Variants in MYSM1 observed in about 807,000 individuals in gnomAD.
The protein encoded by MYSM1 is Myb like, SWIRM and MPN domains 1, also known as deubiquitinase MYSM1.
MYSM1 carries 51 observed loss-of-function variants against 116.0 expected under a neutral mutation model. That is an observed-to-expected ratio of 0.44 (90% CI 0.35 to 0.56). The LOEUF (loss-of-function observed/expected upper bound fraction) is 0.56. Among genes scored for constraint, MYSM1 ranks in the 20% least tolerant of loss-of-function variants. The probability of loss-of-function intolerance (pLI) is 0.00; values close to 1 mark genes in which losing one functional copy is unlikely to be tolerated. For missense variants in MYSM1, 900 were observed against 974.9 expected (o/e 0.92, Z 1.02); for synonymous variants, 313 against 315.2 (o/e 0.99, Z 0.07).
At position 58,699,988 on chromosome 1, in the gene MYSM1, G is replaced by A. The variant is rs543713311; in HGVS notation, c.65C>T (p.Pro22Leu). 1.5e-5 allele frequency: 24 copies of A among 1,613,466 alleles called. No individual in the cohort carries two copies. The East Asian group carries it at 3.6e-4, about 24-fold the overall frequency. Residue 22 changes from proline to leucine, a missense_variant, in exon 1 of 20, where the codon CCA (proline) becomes CTA (leucine). By Grantham distance (98) the Pro-to-Leu change is moderately conservative. Coordinates refer to ENST00000472487, the MANE Select transcript of MYSM1 (RefSeq NM_001085487.3). ...GDVVAAAGAQ[P>L]GSGENTASVL... is the part of the protein sequence containing the mutation. ...AGACCCGGTCTCTAAGCCTCACCCT[G>A]GCTGTGCCCCCGCCGCCGCTACCAC...
chr1:58,699,826 A>T, intron 1 of MYSM1, 159 bp downstream of exon 1: 1 of 985,402 alleles, frequency 1.0e-6, no homozygotes, highest in East Asian at 1.1e-4. Context: ...GCTTGGGACA[A>T]GCCGGCGGGC....
chr1:58,684,428 G>A (rs1249642306), intron 7 of MYSM1, among the ~76,000 whole-genome samples: 1 of 151,886 alleles, frequency 6.6e-6, no homozygotes, highest in African/African-American at 2.4e-5. Flanking sequence ...GGCCAGGTGT[G>A]GTGGCGGGCA....
Position 58,655,626 on chromosome 1 carries a change from G to A in MYSM1, c.*4371C>T, listed in dbSNP as rs757204588. The A allele has an allele frequency of 3.9e-5, 6 of 152,098 alleles. No homozygotes were observed. The highest frequency in any genetic ancestry group is 7.4e-5 in the Non-Finnish European group (5 of 67,992). The allele number at this position is 152,098 out of a possible 1,614,324, so 9.4% of individuals were successfully genotyped here. A position where few individuals can be genotyped will look rare whatever the true frequency, so the allele number is the denominator to read the frequency against. On this transcript the variant is annotated 3_prime_UTR_variant, in exon 20 of 20. Coordinates refer to ENST00000472487, the MANE Select transcript of MYSM1 (RefSeq NM_001085487.3). ...AGAGAAAGCAGAATTTGGGGGAATA[G>A]CACATGAAGCCATTTAAGAAAAGGT...
intron 1 of MYSM1, among the ~76,000 whole-genome samples, chr1:58,698,435 A>G (rs1375257875): frequency 6.6e-6 from 1 of 151,996 alleles, no homozygotes; most frequent in Non-Finnish European, 1.5e-5. Flanking sequence ...TTGGGGTTGT[A>G]TAAGACAATA....
At chr1:58,695,085 T>A (rs2100683321) in intron 2 of MYSM1, 44 bp downstream of exon 2, 1 of 1,223,494 alleles carries the variant, frequency 8.2e-7, no homozygotes, top group Non-Finnish European at 1.2e-6. Flanking sequence ...CTCTAGGCAA[T>A]AAATAACAGC....
chr1:58,692,604 C>A, intron 3 of MYSM1: 1 of 300,558 alleles, frequency 3.3e-6, no homozygotes, highest in Non-Finnish European at 6.1e-6. Context: ...ATCATTTCTA[C>A]TCAATATTCA....
At chr1:58,669,711 C>T (rs1407104273) in intron 12 of MYSM1, among the ~76,000 whole-genome samples, 1 of 151,402 alleles carries the variant, frequency 6.6e-6, no homozygotes, top group African/African-American at 2.4e-5. Flanking sequence ...GCCTGTAGTC[C>T]CAGCCACTCG....
intron 11 of MYSM1, 45 bp downstream of exon 11, chr1:58,673,528 A>G (rs759029235): frequency 1.3e-6 from 2 of 1,486,012 alleles, no homozygotes; most frequent in Non-Finnish European, 9.4e-7. Context: ...ATATATATTT[A>G]AAAACCAGTT....
In MYSM1 at chr1:58,656,475, G is replaced by T. The variant is rs1055467523; in HGVS notation, c.*3522C>A. On this transcript the variant is annotated 3_prime_UTR_variant, in exon 20 of 20. Transcript: ENST00000472487. ...AGTAGGATGTTTCCCTTTCAAGTGT[G>T]GCACGAGTTTCAAAACTACAGATTA... 2.0e-5 allele frequency: 3 copies of T among 152,178 alleles called. No individual in the cohort carries two copies. Among genetic ancestry groups the T allele is most frequent in the African/African-American group, 7.2e-5 (3 of 41,444 alleles). 9.4% of individuals were successfully genotyped at this position (152,178 alleles called of 1,614,324 possible). A position where few individuals can be genotyped will look rare whatever the true frequency, so the allele number is the denominator to read the frequency against.
chr1:58,659,852 A>G lies in MYSM1; in HGVS notation c.*145T>C. The G allele has an allele frequency of 3.5e-6, 2 of 579,288 alleles. No individual in the cohort carries two copies. Among genetic ancestry groups the G allele is most frequent in the Non-Finnish European group, 2.9e-6 (1 of 347,156 alleles). 35.9% of individuals were successfully genotyped at this position (579,288 alleles called of 1,614,324 possible). On this transcript the variant is annotated 3_prime_UTR_variant, in exon 20 of 20. Coordinates refer to ENST00000472487, the MANE Select transcript of MYSM1 (RefSeq NM_001085487.3). ...CAAATTTGTATCTCTTCCTTTTCAC[A>G]TGATTTATGTGGCAAAGTTTGGATT...
At chr1:58,662,900 T>A (rs1644416218) in intron 17 of MYSM1, among the ~76,000 whole-genome samples, 1 of 152,112 alleles carries the variant, frequency 6.6e-6, no homozygotes, top group African/African-American at 2.4e-5. Flanking sequence ...GTGATAACAG[T>A]CATTTACTTG....
At chr1:58,673,909 G>T (rs1644603758) in intron 10 of MYSM1, among the ~76,000 whole-genome samples, 1 of 152,092 alleles carries the variant, frequency 6.6e-6, no homozygotes, top group African/African-American at 2.4e-5. Flanking sequence ...GTGTGGGCTG[G>T]GTGTTGGCAC....
At position 58,661,414 on chromosome 1, in the gene MYSM1, G is replaced by T; in HGVS notation, c.2262C>A (p.Leu754=). Residue 754 remains leucine (L), a synonymous_variant, in exon 18 of 20, where the codon CTC becomes CTA. Transcript: ENST00000472487. ...CAAACCACAGTACATACCTATGGGA[G>T]AGCCTGTATTTTTCTATTATCCATC... The part of the protein sequence containing the change: ...KTRWIIEKYR[L]SHSSVPMDKI... 1.9e-6 allele frequency: 3 copies of T among 1,558,540 alleles called. No individual in the cohort carries two copies. Among genetic ancestry groups the T allele is most frequent in the South Asian group, 1.1e-5 (1 of 89,784 alleles).
intron 1 of MYSM1, chr1:58,699,721 A>G: frequency 1.0e-6 from 1 of 985,232 alleles, no homozygotes; most frequent in Non-Finnish European, 1.2e-6. Context: ...ATCAAACGCA[A>G]TGTGGTAGGC....
chr1:58,690,079 T>C, intron 5 of MYSM1, 147 bp downstream of exon 5: 1 of 634,436 alleles, frequency 1.6e-6, no homozygotes. Flanking sequence ...CTTGTGCCAC[T>C]CCAACATCTT....
chr1:58,666,513 A>C (rs1644471380), intron 16 of MYSM1, among the ~76,000 whole-genome samples: 1 of 119,662 alleles, frequency 8.4e-6, no homozygotes, highest in African/African-American at 3.3e-5. Context: ...AACAATTATC[A>C]ATCTTGCAAT....
chr1:58,690,050 A>G (rs1569793960), intron 5 of MYSM1, 176 bp downstream of exon 5: 1 of 547,418 alleles, frequency 1.8e-6, no homozygotes, highest in Non-Finnish European at 3.1e-6. Flanking sequence ...TGGCAAGTAA[A>G]TAACACCATA....
At chr1:58,680,026 CAAAA>C (rs6143231) in intron 8 of MYSM1, among the ~76,000 whole-genome samples, 1 of 126,948 alleles carries the variant, frequency 7.9e-6, no homozygotes, top group Middle Eastern at 4.6e-3. Flanking sequence ...GACTCTGTCT[CAAAA>C]AAAAAAAAAA....
intron 7 of MYSM1, among the ~76,000 whole-genome samples, chr1:58,682,851 G>A (rs956523745): frequency 6.6e-6 from 1 of 151,726 alleles, no homozygotes; most frequent in South Asian, 2.1e-4. Context: ...GCCTGCCACC[G>A]TGCCCGGCTA....
Sources: allele counts gnomAD v4.1 joint callset (sites outside exome capture counted in the v4.1 genomes callset), GRCh38; gene constraint gnomAD v4.1.1; transcripts MANE v1.5; gene names NCBI Gene and HGNC (gene_info 2026-07-23, HGNC 2026-07-21).